Variants in GUCY1A2 observed in about 807,000 individuals in gnomAD.
GUCY1A2 encodes guanylate cyclase 1 soluble subunit alpha 2.
A neutral mutation model predicts 63.5 loss-of-function variants in GUCY1A2; 27 were observed. That is an observed-to-expected ratio of 0.43 (90% CI 0.31 to 0.59). The LOEUF (loss-of-function observed/expected upper bound fraction) is 0.59, where lower values mean the gene tolerates loss of function less well. Ranked by LOEUF, GUCY1A2 falls within the 20% of genes least tolerant of loss-of-function variation. The pLI is 0.11. For synonymous variants in GUCY1A2, 364 were observed against 343.5 expected (o/e 1.06, Z -0.66); for missense variants, 768 against 913.3 (o/e 0.84, Z 2.05).
chr11:106,725,155 T>A (rs367752928), intron 6 of GUCY1A2, among the ~76,000 whole-genome samples: 78 of 15,760 alleles, frequency 4.9e-3, no homozygotes, highest in South Asian at 0.017. Context: ...ATAAATTCTT[T>A]TTTTTTTTTT....
chr11:107,017,939 G>C lies in GUCY1A2; in HGVS notation c.117C>G (p.Ser39Arg), dbSNP rs1334330922. 2 of 1,352,368 alleles carry C rather than the reference G, an allele frequency of 1.5e-6. No homozygotes were observed. The highest frequency in any genetic ancestry group is 1.9e-6 in the Non-Finnish European group (2 of 1,044,368). 83.8% of individuals were successfully genotyped at this position (1,352,368 alleles called of 1,614,324 possible). Residue 39 changes from serine (S) to arginine (R), a missense_variant, in exon 1 of 8, where the codon AGC becomes AGG. Ser to Arg is a moderately radical substitution (Grantham distance 110). Transcript: ENST00000526355. Reference protein sequence around the residue: ...CPLSRLCWNGSRSPPGPLEPS... With the variant: ...CPLSRLCWNGRRSPPGPLEPS... ...GCTCCAGCGGCCCGGGCGGGCTCCG[G>C]CTGCCATTCCAGCAGAGCCTAGACA...
chr11:106,764,333 A>G (rs72993067), intron 6 of GUCY1A2, among the ~76,000 whole-genome samples: 19,653 of 152,116 alleles, frequency 0.13, 1,797 homozygotes, highest in African/African-American at 0.26. Context: ...TCATATTAAT[A>G]CATTCCAGTT....
At chr11:106,751,312 C>G (rs527993323) in intron 6 of GUCY1A2, among the ~76,000 whole-genome samples, 40 of 152,178 alleles carry the variant, frequency 2.6e-4, no homozygotes. Context: ...ATTTCTATTT[C>G]TAGAGTCTTG....
chr11:106,709,291 ATT>A (rs1565264568), intron 6 of GUCY1A2, among the ~76,000 whole-genome samples: 1 of 51,472 alleles, frequency 1.9e-5, no homozygotes, highest in African/African-American at 1.3e-4. Flanking sequence ...ATTTATATAT[ATT>A]TATATTTTTA....
At position 107,017,746 on chromosome 11, in the gene GUCY1A2, C is replaced by T. The variant is rs751333982; in HGVS notation, c.303+7G>A. ...GAAGGCGGTCCCCCCTTCCGCCCCC[C>T]GCTCACCGAGGGCGCCGTCAGGCGG... On this transcript the variant is annotated splice_region_variant and intron_variant, in intron 1 of 7. Coordinates refer to ENST00000526355, the MANE Select transcript of GUCY1A2 (RefSeq NM_000855.3). 2.0e-5 allele frequency: 28 copies of T among 1,389,802 alleles called. No individual in the cohort carries two copies. The highest frequency in any genetic ancestry group is 2.6e-5 in the Non-Finnish European group (28 of 1,072,240). The allele number at this position is 1,389,802 out of a possible 1,614,324, so 86.1% of individuals were successfully genotyped here. A position where few individuals can be genotyped will look rare whatever the true frequency, so the allele number is the denominator to read the frequency against.
At chr11:106,704,699 G>A (rs865871288) in intron 7 of GUCY1A2, among the ~76,000 whole-genome samples, 5 of 152,058 alleles carry the variant, frequency 3.3e-5, no homozygotes, top group African/African-American at 1.2e-4. Context: ...CTTTTAGTTT[G>A]CACTGTAGCA....
chr11:106,690,331 T>G (rs1862601130), intron 7 of GUCY1A2, among the ~76,000 whole-genome samples: 1 of 144,314 alleles, frequency 6.9e-6, no homozygotes, highest in Non-Finnish European at 1.5e-5. Flanking sequence ...TATGGAATAC[T>G]ATGCAGCCAT....
intron 6 of GUCY1A2, among the ~76,000 whole-genome samples, chr11:106,759,385 G>A (rs774541442): frequency 4.4e-4 from 67 of 152,114 alleles, no homozygotes; most frequent in African/African-American, 1.5e-3. Context: ...AATAAAATTA[G>A]AAGGGTGATA....
chr11:106,923,190 G>A (rs1207488579), intron 4 of GUCY1A2, among the ~76,000 whole-genome samples: 1 of 152,162 alleles, frequency 6.6e-6, no homozygotes, highest in Non-Finnish European at 1.5e-5. Flanking sequence ...ACATTTAAAT[G>A]TAATCACTAA....
intron 2 of GUCY1A2, among the ~76,000 whole-genome samples, chr11:106,981,267 T>C (rs964582699): frequency 6.6e-6 from 1 of 152,200 alleles, no homozygotes; most frequent in Non-Finnish European, 1.5e-5. Flanking sequence ...ACTCTAGTGT[T>C]CTACTGAAAT....
intron 3 of GUCY1A2, among the ~76,000 whole-genome samples, chr11:106,947,422 T>C (rs1186446544): frequency 6.6e-6 from 1 of 151,898 alleles, no homozygotes; most frequent in Non-Finnish European, 1.5e-5. Context: ...AATGTGTCCT[T>C]TTGAGAAATC....
Position 106,683,504 on chromosome 11 carries a change from C to A in GUCY1A2, c.*4045G>T, listed in dbSNP as rs762476004. The A allele has an allele frequency of 6.6e-5, 15 of 228,422 alleles. No homozygotes were observed. Among genetic ancestry groups the A allele is most frequent in the Non-Finnish European group, 1.1e-4 (13 of 115,028 alleles). 14.1% of individuals were successfully genotyped at this position (228,422 alleles called of 1,614,324 possible). On this transcript the variant is annotated 3_prime_UTR_variant, in exon 8 of 8. Coordinates refer to ENST00000526355, the MANE Select transcript of GUCY1A2 (RefSeq NM_000855.3). ...GCACATCCAGTTCATTACTACACTT[C>A]AGAAGTACATTGTTGCTCAGGCCTG...
intron 6 of GUCY1A2, among the ~76,000 whole-genome samples, chr11:106,757,541 T>A (rs1591264030): frequency 6.6e-6 from 1 of 152,124 alleles, no homozygotes; most frequent in Non-Finnish European, 1.5e-5. Flanking sequence ...TTGGTGTGGG[T>A]GTCCGTTTTG....
At chr11:106,994,587 C>A (rs1478678356) in intron 1 of GUCY1A2, among the ~76,000 whole-genome samples, 4 of 152,184 alleles carry the variant, frequency 2.6e-5, no homozygotes, top group African/African-American at 9.7e-5. Flanking sequence ...TAGATACTCA[C>A]AACAATCTCA....
intron 4 of GUCY1A2, among the ~76,000 whole-genome samples, chr11:106,860,229 C>T (rs1859491463): frequency 6.6e-6 from 1 of 151,160 alleles, no homozygotes; most frequent in Non-Finnish European, 1.5e-5. Context: ...TCCAGAGTAC[C>T]CAGACATAAA....
rs1046943710 is a variant in GUCY1A2 at position 107,018,123 on chromosome 11, T to C, written c.-68A>G. The C allele has an allele frequency of 3.7e-6, 4 of 1,075,480 alleles. No homozygotes were observed. Among genetic ancestry groups the C allele is most frequent in the Middle Eastern group, 3.1e-4 (1 of 3,222 alleles). The allele number at this position is 1,075,480 out of a possible 1,614,324, so 66.6% of individuals were successfully genotyped here. A position where few individuals can be genotyped will look rare whatever the true frequency, so the allele number is the denominator to read the frequency against. ...ACGCGAGCGGCGGCGGAGGCGGCGG[T>C]GGCGGGACCGGCAAGCGACAACGTT... On this transcript the variant is annotated 5_prime_UTR_variant, in exon 1 of 8. Coordinates refer to ENST00000526355, the MANE Select transcript of GUCY1A2 (RefSeq NM_000855.3).
chr11:106,689,078 C>T (rs773683394), intron 7 of GUCY1A2, among the ~76,000 whole-genome samples: 19 of 152,082 alleles, frequency 1.2e-4, no homozygotes, highest in Admixed American at 5.2e-4. Flanking sequence ...GGAGGCAGGT[C>T]GGGGCAAAAG....
chr11:107,010,776 G>C (rs1861732369), intron 1 of GUCY1A2, among the ~76,000 whole-genome samples: 1 of 151,982 alleles, frequency 6.6e-6, no homozygotes, highest in South Asian at 2.1e-4. Flanking sequence ...TGTCACCCAG[G>C]CTGGAGTGCA....
chr11:106,690,815 T>C (rs1254131895), intron 7 of GUCY1A2, among the ~76,000 whole-genome samples: 1 of 152,174 alleles, frequency 6.6e-6, no homozygotes, highest in East Asian at 1.9e-4. Context: ...ACAATGGAAC[T>C]GGAACCTAGA....
Sources: gnomAD v4.1 joint callset for allele counts (sites outside exome capture counted in the v4.1 genomes callset) on GRCh38, gnomAD v4.1.1 for gene constraint, MANE v1.5 for transcripts, NCBI Gene and HGNC (gene_info 2026-07-23, HGNC 2026-07-21) for gene names.